The following RTN1 variants were observed in gnomAD, a reference collection of about 807,000 sequenced individuals.
RTN1 encodes reticulon 1.
RTN1 carries 25 observed loss-of-function variants against 65.5 expected under a neutral mutation model. The observed-to-expected ratio is 0.38, with a 90% CI of 0.28 to 0.53. The LOEUF (loss-of-function observed/expected upper bound fraction) is 0.53, where lower values mean the gene tolerates loss of function less well. RTN1 is among the 20% of genes least tolerant of loss of function. The probability of loss-of-function intolerance (pLI) is 0.79; values close to 1 mark genes in which losing one functional copy is unlikely to be tolerated. For missense variants in RTN1, 983 were observed against 1,025.4 expected, an observed-to-expected ratio of 0.96 and a Z score of 0.57; for synonymous variants, 471 against 447.6, an observed-to-expected ratio of 1.05 and a Z score of -0.66.
intron 3 of RTN1, among the ~76,000 whole-genome samples, chr14:59,712,088 G>A (rs1327464361): frequency 6.6e-6 from 1 of 152,194 alleles, no homozygotes. Context: ...ATAGTTGAAA[G>A]CCAGAAATAC....
chr14:59,766,366 A>G lies in RTN1; in HGVS notation c.242-19885T>C, dbSNP rs1885850818. 6.6e-6 allele frequency among the ~76,000 whole-genome samples: 1 copy of G among 152,206 alleles called. No homozygotes were observed. Among genetic ancestry groups the G allele is most frequent in the Non-Finnish European group, 1.5e-5 (1 of 68,042 alleles). On this transcript the variant is annotated intron_variant, in intron 1 of 8. Coordinates refer to ENST00000267484, the MANE Select transcript of RTN1 (RefSeq NM_021136.3). The surrounding 1 kb of genome is among the most constrained non-coding windows in gnomAD (Gnocchi z 4.4). The stretch of plus-strand genomic sequence containing the variant: ...AAATTTTCCTGTCCTAAGTGTGTAG[A>G]AACAGGCCAGAGTCAAGGTATACTT...
In RTN1 at chr14:59,666,037, C is replaced by A. The variant is rs556071245; in HGVS notation, c.1766-58545G>T. ...GTCAATATTAGACAGATCAACCAGA[C>A]AGAAGGTTAACAAGGATATCCAGGA... On this transcript the variant is annotated intron_variant, in intron 3 of 8. Transcript: ENST00000267484. 2.0e-4 allele frequency among the ~76,000 whole-genome samples: 31 copies of A among 152,262 alleles called. 1 individual carries two copies. The highest frequency in any genetic ancestry group is 7.2e-4 in the African/African-American group (30 of 41,558).
chr14:59,726,015 T>C (rs994686445), intron 3 of RTN1, among the ~76,000 whole-genome samples: 1 of 152,180 alleles, frequency 6.6e-6, no homozygotes, highest in Non-Finnish European at 1.5e-5. Flanking sequence ...TACCTGAGTG[T>C]TCTCTCCCCA....
intron 3 of RTN1, among the ~76,000 whole-genome samples, chr14:59,700,570 C>CAA (rs1305886579): frequency 6.6e-6 from 1 of 152,118 alleles, no homozygotes; most frequent in Non-Finnish European, 1.5e-5. Flanking sequence ...CAGACACTTA[C>CAA]ATTTACGGTC....
At chr14:59,630,889 AGAG>A in intron 3 of RTN1, 2 of 975,160 alleles carry the variant, frequency 2.1e-6, no homozygotes, top group Non-Finnish European at 1.2e-6. Context: ...GGTGGGGGTG[AGAG>A]GAGGAGGACT....
At chr14:59,604,179 A>T (rs1160863427) in intron 5 of RTN1, 1 of 241,846 alleles carries the variant, frequency 4.1e-6, no homozygotes, top group East Asian at 7.2e-5. Flanking sequence ...GTGGCCCTTG[A>T]CCGGTTTTTG....
At chr14:59,734,388 G>A (rs544053738) in intron 2 of RTN1, among the ~76,000 whole-genome samples, 2 of 152,276 alleles carry the variant, frequency 1.3e-5, no homozygotes, top group East Asian at 1.9e-4. Flanking sequence ...GGCTGGGACC[G>A]CTGAAATGAC....
intron 3 of RTN1, among the ~76,000 whole-genome samples, chr14:59,682,068 T>C (rs1204684629): frequency 6.6e-6 from 1 of 152,226 alleles, no homozygotes; most frequent in Non-Finnish European, 1.5e-5. Context: ...CAGCATGTGC[T>C]TTTTAATGTG....
chr14:59,670,817 G>A (rs1211180696), intron 3 of RTN1, among the ~76,000 whole-genome samples: 1 of 152,192 alleles, frequency 6.6e-6, no homozygotes, highest in African/African-American at 2.4e-5. Context: ...ATTTTTGCAT[G>A]TGTATTTTGA....
intron 3 of RTN1, among the ~76,000 whole-genome samples, chr14:59,627,184 T>G (rs148821369): frequency 6.6e-6 from 1 of 152,352 alleles, no homozygotes; most frequent in African/African-American, 2.4e-5. Context: ...AAATGAAGAC[T>G]TGTAAATGTG....
At chr14:59,758,472 C>T (rs1415937983) in intron 1 of RTN1, among the ~76,000 whole-genome samples, 1 of 152,162 alleles carries the variant, frequency 6.6e-6, no homozygotes, top group African/African-American at 2.4e-5. Context: ...CACAAACATA[C>T]CATAAGATTT....
At chr14:59,641,847 T>C (rs1283069464) in intron 3 of RTN1, among the ~76,000 whole-genome samples, 1 of 152,266 alleles carries the variant, frequency 6.6e-6, no homozygotes, top group Admixed American at 6.5e-5. Context: ...TCATTGGTGC[T>C]ATAAACACCA....
chr14:59,652,962 G>A (rs139368647), intron 3 of RTN1, among the ~76,000 whole-genome samples: 109 of 152,046 alleles, frequency 7.2e-4, no homozygotes, highest in African/African-American at 2.6e-3. Flanking sequence ...GGTATAATAG[G>A]AGTTCCAGAA....
At chr14:59,672,636 T>C (rs1406036228) in intron 3 of RTN1, among the ~76,000 whole-genome samples, 1 of 118,500 alleles carries the variant, frequency 8.4e-6, no homozygotes, top group African/African-American at 4.4e-5. Context: ...TTTTTTTTTT[T>C]TTTTTTTTTT....
At position 59,870,490 on chromosome 14, in the gene RTN1, G is replaced by T; in HGVS notation, c.141C>A (p.Pro47=). Residue 47 remains proline, a synonymous_variant, in exon 1 of 9, where the codon CCC becomes CCA. Coordinates refer to ENST00000267484, the MANE Select transcript of RTN1 (RefSeq NM_021136.3). This position sits in a 1 kb window ranked among gnomAD's most constrained non-coding sequence, Gnocchi z 5.1. ...GGGCCCTGGCGCCCAACCCCGGGCTGGGCTCCCCAGCCTGCGGCGCCGGCG... is the reference window on the plus strand; with the variant it reads ...GGGCCCTGGCGCCCAACCCCGGGCTTGGCTCCCCAGCCTGCGGCGCCGGCG... ...GATPAPQAGE[P]SPGLGARARE... is the part of the protein sequence containing the mutation. The T allele has an allele frequency of 6.8e-7, 1 of 1,462,404 alleles. No individual in the cohort carries two copies. Among genetic ancestry groups the T allele is most frequent in the Non-Finnish European group, 9.0e-7 (1 of 1,114,228 alleles). 90.6% of individuals were successfully genotyped at this position (1,462,404 alleles called of 1,614,324 possible).
rs1316860373 is a variant in RTN1 at position 59,791,346 on chromosome 14, A to G, written c.242-44865T>C. On this transcript the variant is annotated intron_variant, in intron 1 of 8. Transcript: ENST00000267484. The stretch of plus-strand genomic sequence containing the variant: ...TTCATCTTCTTATATGTTCAGTCTG[A>G]CAGTTGAGAATTTCAGGTTTCCTCC... 2.6e-5 allele frequency among the ~76,000 whole-genome samples: 4 copies of G among 152,272 alleles called. No individual in the cohort carries two copies. The South Asian group carries it at 6.2e-4, about 24-fold the overall frequency.
intron 3 of RTN1, among the ~76,000 whole-genome samples, chr14:59,634,461 A>G (rs1211827208): frequency 6.6e-6 from 1 of 152,214 alleles, no homozygotes; most frequent in East Asian, 1.9e-4. Context: ...ATGCATGAAT[A>G]TGGAGTTTCA....
At chr14:59,640,162 C>T (rs1257680062) in intron 3 of RTN1, among the ~76,000 whole-genome samples, 2 of 152,096 alleles carry the variant, frequency 1.3e-5, no homozygotes, top group East Asian at 1.9e-4. Context: ...ACCACCAAGC[C>T]CATCTGGGCT....
chr14:59,659,299 A>G (rs1302117444), intron 3 of RTN1, among the ~76,000 whole-genome samples: 1 of 152,220 alleles, frequency 6.6e-6, no homozygotes, highest in East Asian at 1.9e-4. Context: ...GAATGGAACC[A>G]AGTTGGAAAA....
Sources: gnomAD v4.1 joint callset for allele counts (sites outside exome capture counted in the v4.1 genomes callset) on GRCh38, gnomAD v4.1.1 for gene constraint, Gnocchi (gnomAD v3.1) non-coding constraint, MANE v1.5 for transcripts, NCBI Gene and HGNC (gene_info 2026-07-23, HGNC 2026-07-21) for gene names.